TRIM9: variants seen among roughly 807,000 people sequenced by gnomAD.
TRIM9 encodes E3 ubiquitin-protein ligase TRIM9.
TRIM9 carries 26 observed loss-of-function variants against 78.3 expected under a neutral mutation model. That is an observed-to-expected ratio of 0.33 (90% CI 0.24 to 0.46). TRIM9 has a LOEUF of 0.46. Among genes scored for constraint, TRIM9 ranks in the 20% least tolerant of loss-of-function variants. The probability of loss-of-function intolerance (pLI) is 1.00; values close to 1 mark genes in which losing one functional copy is unlikely to be tolerated. For missense variants in TRIM9, 787 were observed against 1,036.4 expected, an observed-to-expected ratio of 0.76 and a Z score of 3.30; for synonymous variants, 398 against 416.5, an observed-to-expected ratio of 0.96 and a Z score of 0.54.
chr14:51,082,416 T>C (rs144633887), intron 1 of TRIM9, among the ~76,000 whole-genome samples: 452 of 152,340 alleles, frequency 3.0e-3, no homozygotes, highest in Admixed American at 4.8e-3. Context: ...AGGATATTAG[T>C]ACAGGATAAT....
At chr14:51,035,178 A>G (rs1258994826) in intron 1 of TRIM9, among the ~76,000 whole-genome samples, 36 of 152,212 alleles carry the variant, frequency 2.4e-4, no homozygotes, top group Non-Finnish European at 1.5e-5. Flanking sequence ...TATCAAGGCT[A>G]TTCGTAGTGT....
intron 7 of TRIM9, among the ~76,000 whole-genome samples, chr14:50,990,627 TG>T (rs1365041228): frequency 6.6e-6 from 1 of 152,206 alleles, no homozygotes; most frequent in East Asian, 1.9e-4. Flanking sequence ...AGATTGTGGT[TG>T]CTTATGATAG....
intron 1 of TRIM9, among the ~76,000 whole-genome samples, chr14:51,060,851 C>T (rs2061300251): frequency 1.3e-5 from 2 of 152,160 alleles, no homozygotes; most frequent in Middle Eastern, 3.4e-3. Flanking sequence ...AATAGTATTC[C>T]ATTAACTTTA....
intron 1 of TRIM9, among the ~76,000 whole-genome samples, chr14:51,059,950 C>T (rs933720302): frequency 2.0e-5 from 3 of 152,220 alleles, no homozygotes; most frequent in Admixed American, 6.5e-5. Flanking sequence ...TTGCAAATAA[C>T]GCATTAAATG....
chr14:51,084,080 T>C (rs1262987964), intron 1 of TRIM9, among the ~76,000 whole-genome samples: 3 of 152,176 alleles, frequency 2.0e-5, no homozygotes, highest in African/African-American at 7.2e-5. Flanking sequence ...ATATGGGAAA[T>C]ATTTATGTAC....
At position 50,976,852 on chromosome 14, in the gene TRIM9, A is replaced by C. The variant is rs1175002924; in HGVS notation, c.*439T>G. ...CTACAAATTCAGCTCATTCTTCCCTACCTCCCCCTACAACCTCATTGTTTG... is the reference window on the plus strand; with the variant it reads ...CTACAAATTCAGCTCATTCTTCCCTCCCTCCCCCTACAACCTCATTGTTTG... On this transcript the variant is annotated 3_prime_UTR_variant, in exon 13 of 13. Coordinates refer to ENST00000684578, the MANE Select transcript of TRIM9 (RefSeq NM_001387360.1). The C allele has an allele frequency of 6.5e-6, 1 of 153,106 alleles. No individual in the cohort carries two copies. The highest frequency in any genetic ancestry group is 1.5e-5 in the Non-Finnish European group (1 of 68,512). 9.5% of individuals were successfully genotyped at this position (153,106 alleles called of 1,614,324 possible). A position where few individuals can be genotyped will look rare whatever the true frequency, so the allele number is the denominator to read the frequency against.
Position 51,002,090 on chromosome 14 carries a change from T to C in TRIM9, c.1307-1250A>G, listed in dbSNP as rs573507711. Among the ~76,000 whole-genome samples, 10 of 150,774 alleles carry C rather than the reference T, an allele frequency of 6.6e-5. No homozygotes were observed. The South Asian group carries it at 2.1e-3, about 31-fold the overall frequency. ...TCACATATAAACTTAATATATGTAG[T>C]TGGGAACCATGGTTTTGTGTGTGTG... On this transcript the variant is annotated intron_variant, in intron 5 of 12. Transcript: ENST00000684578.
At chr14:51,023,235 TC>T (rs1208147094) in intron 2 of TRIM9, among the ~76,000 whole-genome samples, 1 of 152,232 alleles carries the variant, frequency 6.6e-6, no homozygotes, top group Non-Finnish European at 1.5e-5. Flanking sequence ...AAGCTTTAGT[TC>T]ATAGAGTTGT....
intron 1 of TRIM9, among the ~76,000 whole-genome samples, chr14:51,049,774 G>A (rs1364424911): frequency 1.3e-5 from 2 of 151,202 alleles, no homozygotes; most frequent in Non-Finnish European, 2.9e-5. Flanking sequence ...GCAGTGAGCC[G>A]AGATTGCACC....
chr14:50,987,594 C>T (rs12434339), intron 7 of TRIM9, among the ~76,000 whole-genome samples: 38,572 of 151,962 alleles, frequency 0.25, 5,064 homozygotes, highest in Non-Finnish European at 0.28. Context: ...GACTTAATAT[C>T]ATGTATTATC....
chr14:50,981,392 T>C (rs917286616), intron 11 of TRIM9, among the ~76,000 whole-genome samples: 1 of 152,238 alleles, frequency 6.6e-6, no homozygotes, highest in African/African-American at 2.4e-5. Flanking sequence ...CTTCAGAAGA[T>C]TCCCACAAGG....
In TRIM9 at chr14:51,094,625, A is replaced by C. The variant is rs748665406; in HGVS notation, c.315T>G (p.Ala105=). ...ACAAGTGGGTGGCCGGTGGCGGCAT[A>C]GCCGGGGGAAACACGCGGACGCCGT... is the stretch of plus-strand genomic sequence containing the variant. ...SPNGVRVFPP[A]MPPPATHLSP... The change falls in exon 1 of 13, where the codon GCT becomes GCG. Residue 105 remains alanine, a synonymous_variant. Coordinates refer to ENST00000684578, the MANE Select transcript of TRIM9 (RefSeq NM_001387360.1). 4 of 1,607,966 alleles carry C rather than the reference A, an allele frequency of 2.5e-6. No homozygotes were observed. Among genetic ancestry groups the C allele is most frequent in the Non-Finnish European group, 3.4e-6 (4 of 1,176,268 alleles).
At chr14:51,002,070 T>C (rs1479435241) in intron 5 of TRIM9, among the ~76,000 whole-genome samples, 2 of 152,176 alleles carry the variant, frequency 1.3e-5, no homozygotes, top group African/African-American at 4.8e-5. Flanking sequence ...GTTCTTCACA[T>C]ATAAACTTAA....
At chr14:50,987,725 T>A (rs1376432726) in intron 7 of TRIM9, among the ~76,000 whole-genome samples, 1 of 152,126 alleles carries the variant, frequency 6.6e-6, no homozygotes, top group East Asian at 1.9e-4. Flanking sequence ...CAAACTGGCA[T>A]GGGTTTCTAT....
At chr14:51,018,339 C>T (rs2057418238) in intron 3 of TRIM9, among the ~76,000 whole-genome samples, 1 of 150,716 alleles carries the variant, frequency 6.6e-6, no homozygotes, top group Admixed American at 6.6e-5. Context: ...TCTTTCCTTC[C>T]TTCTTTCTAT....
intron 7 of TRIM9, chr14:50,988,464 T>C (rs1321000092): frequency 6.6e-6 from 1 of 152,200 alleles, no homozygotes; most frequent in Non-Finnish European, 1.5e-5. Flanking sequence ...TGGTTATGGC[T>C]CTTCCTATCC....
intron 5 of TRIM9, 136 bp downstream of exon 5, chr14:51,008,944 A>G: frequency 1.2e-6 from 1 of 841,182 alleles, no homozygotes; most frequent in Non-Finnish European, 1.9e-6. Flanking sequence ...CACATTTATA[A>G]GGATACATTT....
chr14:51,019,092 G>T (rs2057500371), intron 3 of TRIM9, among the ~76,000 whole-genome samples: 1 of 152,210 alleles, frequency 6.6e-6, no homozygotes, highest in South Asian at 2.1e-4. Flanking sequence ...TAGTTTAAGT[G>T]TTGTCATAAA....
At position 51,094,650 on chromosome 14, in the gene TRIM9, T is replaced by G; in HGVS notation, c.290A>C (p.Asn97Thr). The G allele has an allele frequency of 6.2e-7, 1 of 1,602,372 alleles. No individual in the cohort carries two copies. Among genetic ancestry groups the G allele is most frequent in the Non-Finnish European group, 8.5e-7 (1 of 1,173,272 alleles). ...AGCCGGGGGAAACACGCGGACGCCG[T>G]TGGGGGACTTCTGGCACGGGGTAGT... ...APTTPCQKSP[N>T]GVRVFPPAMP... is the part of the protein sequence containing the mutation. Residue 97 changes from asparagine to threonine, a missense_variant, in exon 1 of 13, where the codon AAC becomes ACC. Physicochemically the swap from Asn to Thr is moderately conservative, Grantham distance 65 (BLOSUM62 0). Coordinates refer to ENST00000684578, the MANE Select transcript of TRIM9 (RefSeq NM_001387360.1).
Sources: gnomAD v4.1 joint callset for allele counts (sites outside exome capture counted in the v4.1 genomes callset) on GRCh38, gnomAD v4.1.1 for gene constraint, MANE v1.5 for transcripts, NCBI Gene and HGNC (gene_info 2026-07-23, HGNC 2026-07-21) for gene names.